The following ATP8A1 variants were observed in gnomAD, a reference collection of about 807,000 sequenced individuals.
The protein encoded by ATP8A1 is phospholipid-transporting ATPase IA.
In ATP8A1, 90 loss-of-function variants were observed where a neutral mutation model predicts 177.7. The ratio of observed to expected loss-of-function variants is 0.51; its 90% CI spans 0.43 to 0.60. The LOEUF (loss-of-function observed/expected upper bound fraction) is 0.60. Ranked by LOEUF, ATP8A1 falls within the 20% of genes least tolerant of loss-of-function variation. The pLI, the probability that ATP8A1 is intolerant of heterozygous loss-of-function variation, is 0.00. For synonymous variants in ATP8A1, 493 were observed against 485.9 expected (o/e 1.01, Z -0.19); for missense variants, 1,072 against 1,392.8 (o/e 0.77, Z 3.67).
At chr4:42,495,024 A>T (rs1200790501) in intron 24 of ATP8A1, among the ~76,000 whole-genome samples, 3 of 152,214 alleles carry the variant, frequency 2.0e-5, no homozygotes, top group Non-Finnish European at 4.4e-5. Context: ...CTATAAATTA[A>T]TTTAAAATGT....
chr4:42,522,563 T>C lies in ATP8A1; in HGVS notation c.1808-264A>G, dbSNP rs1726248680. On this transcript the variant is annotated intron_variant, in intron 21 of 36. Coordinates refer to ENST00000381668, the MANE Select transcript of ATP8A1 (RefSeq NM_006095.2). ...TAGTGTGGCGTTTCTAAAATCTGAA[T>C]CTTATCAAGCAGTTCTTTGCTTCGA... Among the ~76,000 whole-genome samples, 3 of 152,208 alleles carry C rather than the reference T, an allele frequency of 2.0e-5. No homozygotes were observed. In the South Asian group the frequency reaches 6.2e-4, roughly 31 times the overall value.
chr4:42,586,735 T>C (rs551542695), intron 8 of ATP8A1, among the ~76,000 whole-genome samples: 25 of 152,332 alleles, frequency 1.6e-4, no homozygotes, highest in African/African-American at 6.0e-4. Flanking sequence ...TCTACAAAGA[T>C]AATTTGAAGT....
chr4:42,515,166 T>C (rs1024566537), intron 22 of ATP8A1, among the ~76,000 whole-genome samples: 1 of 152,228 alleles, frequency 6.6e-6, no homozygotes, highest in African/African-American at 2.4e-5. Context: ...GCTCAGAAAG[T>C]GGCAGGTCTA....
At chr4:42,625,843 T>C (rs912903604) in intron 2 of ATP8A1, 130 bp from the exon 3 acceptor site, 22 of 499,986 alleles carry the variant, frequency 4.4e-5, no homozygotes, top group African/African-American at 3.8e-4. Flanking sequence ...TGGGAGAATA[T>C]TGCAAAGGGT....
At chr4:42,476,479 C>T (rs1262696422) in intron 25 of ATP8A1, among the ~76,000 whole-genome samples, 1 of 151,428 alleles carries the variant, frequency 6.6e-6, no homozygotes, top group Non-Finnish European at 1.5e-5. Flanking sequence ...ATTAGCCATG[C>T]GTGGTGGTGG....
At chr4:42,512,298 T>C (rs896152200) in intron 22 of ATP8A1, among the ~76,000 whole-genome samples, 1 of 152,214 alleles carries the variant, frequency 6.6e-6, no homozygotes, top group African/African-American at 2.4e-5. Flanking sequence ...CTTTTGTGTC[T>C]GTTCTTGGTC....
chr4:42,465,165 C>T, intron 25 of ATP8A1, 89 bp from the exon 26 acceptor site: 1 of 1,156,476 alleles, frequency 8.6e-7, no homozygotes, highest in Non-Finnish European at 1.2e-6. Flanking sequence ...ATGCAAAAGA[C>T]CTAAATGAAT....
intron 27 of ATP8A1, among the ~76,000 whole-genome samples, chr4:42,455,914 T>C (rs1036978303): frequency 6.6e-6 from 1 of 152,206 alleles, no homozygotes; most frequent in Admixed American, 6.5e-5. Flanking sequence ...TTATATGCCA[T>C]TAAATTTTTA....
chr4:42,623,233 A>T (rs575264490), intron 4 of ATP8A1, among the ~76,000 whole-genome samples: 1 of 152,316 alleles, frequency 6.6e-6, no homozygotes, highest in African/African-American at 2.4e-5. Flanking sequence ...AGGAACATTT[A>T]TACACTGTTG....
intron 24 of ATP8A1, among the ~76,000 whole-genome samples, chr4:42,501,737 G>A (rs544703367): frequency 2.6e-5 from 4 of 152,280 alleles, no homozygotes; most frequent in African/African-American, 9.6e-5. Flanking sequence ...ACACAAGATC[G>A]GAAGGAGCTA....
intron 6 of ATP8A1, among the ~76,000 whole-genome samples, chr4:42,593,381 G>T (rs1379076734): frequency 6.6e-6 from 1 of 151,916 alleles, no homozygotes; most frequent in Non-Finnish European, 1.5e-5. Flanking sequence ...AAACCTATAG[G>T]TACATGGCAC....
intron 30 of ATP8A1, 117 bp downstream of exon 30, chr4:42,451,864 G>A: frequency 1.5e-6 from 1 of 683,408 alleles, no homozygotes. Context: ...ATGCATTTTA[G>A]GTTAAGAGAA....
rs374333251 is a variant in ATP8A1 at position 42,514,191 on chromosome 4, A to G, written c.1948-7037T>C. ...TTTAACTTGGTGCTTTTCAAACCAT[A>G]GAAATCACATTTGAACTCACAAAGC... On this transcript the variant is annotated intron_variant, in intron 22 of 36. Coordinates refer to ENST00000381668, the MANE Select transcript of ATP8A1 (RefSeq NM_006095.2). Among the ~76,000 whole-genome samples the G allele has an allele frequency of 2.4e-4, 37 of 152,356 alleles. 1 individual carries two copies. The South Asian group carries it at 3.5e-3, about 14-fold the overall frequency.
At chr4:42,537,285 A>G (rs1440117066) in intron 20 of ATP8A1, among the ~76,000 whole-genome samples, 1 of 152,180 alleles carries the variant, frequency 6.6e-6, no homozygotes, top group Non-Finnish European at 1.5e-5. Context: ...AATAAAAGCC[A>G]TCTATGACAA....
At chr4:42,499,200 T>G (rs1560393022) in intron 24 of ATP8A1, among the ~76,000 whole-genome samples, 1 of 152,174 alleles carries the variant, frequency 6.6e-6, no homozygotes, top group Admixed American at 6.5e-5. Flanking sequence ...TGGCAGGGCT[T>G]CTCAGGAGTT....
At chr4:42,647,151 G>T (rs906979371) in intron 1 of ATP8A1, among the ~76,000 whole-genome samples, 11 of 152,186 alleles carry the variant, frequency 7.2e-5, no homozygotes, top group Non-Finnish European at 1.3e-4. Flanking sequence ...TATAATGTGT[G>T]AAGTTTTATA....
At chr4:42,422,652 C>T (rs1184640957) in intron 35 of ATP8A1, among the ~76,000 whole-genome samples, 155 bp downstream of exon 35, 2 of 152,164 alleles carry the variant, frequency 1.3e-5, no homozygotes, top group African/African-American at 4.8e-5. Flanking sequence ...TAGAAAGCGA[C>T]AGATTTAAAT....
At chr4:42,640,405 C>T (rs1577761843) in intron 1 of ATP8A1, among the ~76,000 whole-genome samples, 2 of 152,312 alleles carry the variant, frequency 1.3e-5, no homozygotes, top group East Asian at 1.9e-4. Context: ...AATAATAATG[C>T]TATTGGCCAA....
intron 12 of ATP8A1, 108 bp downstream of exon 12, chr4:42,578,151 TG>T: frequency 9.5e-7 from 1 of 1,054,174 alleles, no homozygotes; most frequent in Non-Finnish European, 1.3e-6. Flanking sequence ...TCTGATACTG[TG>T]GTCAAGAAAC....
Sources: gnomAD v4.1 joint callset for allele counts (sites outside exome capture counted in the v4.1 genomes callset) on GRCh38, gnomAD v4.1.1 for gene constraint, MANE v1.5 for transcripts, NCBI Gene and HGNC (gene_info 2026-07-23, HGNC 2026-07-21) for gene names.